Variants in ITIH5 observed in about 807,000 individuals in gnomAD.
The protein encoded by ITIH5 is inter-alpha-trypsin inhibitor heavy chain 5, also known as inter-alpha-trypsin inhibitor heavy chain H5.
ITIH5 carries 65 observed loss-of-function variants against 77.5 expected under a neutral mutation model. The observed-to-expected ratio is 0.84, with a 90% CI of 0.69 to 1.03. The LOEUF (loss-of-function observed/expected upper bound fraction) is 1.03, where lower values mean the gene tolerates loss of function less well. Among genes scored for constraint, ITIH5 ranks in the 50% least tolerant of loss-of-function variants. ITIH5 has a pLI of 0.00. For missense variants in ITIH5, 1,208 were observed against 1,213.1 expected, an observed-to-expected ratio of 1.00 and a Z score of 0.06; for synonymous variants, 525 against 494.3, an observed-to-expected ratio of 1.06 and a Z score of -0.82.
intron 8 of ITIH5, among the ~76,000 whole-genome samples, chr10:7,581,294 TAAATA>T (rs1014440602): frequency 4.0e-4 from 61 of 151,876 alleles, no homozygotes; most frequent in Middle Eastern, 6.8e-3. Context: ...AATAAATGAA[TAAATA>T]AAATAAAGTT....
At chr10:7,624,645 C>T (rs187693604) in intron 5 of ITIH5, among the ~76,000 whole-genome samples, 5,769 of 149,408 alleles carry the variant, frequency 0.039, 393 homozygotes, top group African/African-American at 0.13. Flanking sequence ...TGGTGAAACC[C>T]TGTCTCTACT....
At chr10:7,644,848 ATC>A (rs1209446123) in intron 2 of ITIH5, among the ~76,000 whole-genome samples, 3 of 135,160 alleles carry the variant, frequency 2.2e-5, no homozygotes, top group African/African-American at 3.1e-5. Flanking sequence ...TCACATATAT[ATC>A]ACATATGTAT....
intron 8 of ITIH5, among the ~76,000 whole-genome samples, chr10:7,583,018 T>C (rs902776644): frequency 6.6e-6 from 1 of 152,184 alleles, no homozygotes; most frequent in Non-Finnish European, 1.5e-5. Context: ...AAAGGACAAA[T>C]GCTTGAGGTG....
At chr10:7,569,010 C>CTTTTTTTTTTTTTTTT (rs5782983) in intron 12 of ITIH5, among the ~76,000 whole-genome samples, 23 of 71,570 alleles carry the variant, frequency 3.2e-4, no homozygotes, top group East Asian at 1.3e-3. Flanking sequence ...TTTTCTTTTT[C>CTTTTTTTTTTTTTTTT]TTTTTTTTTT....
intron 7 of ITIH5, chr10:7,600,431 G>A (rs1588389704): frequency 4.6e-6 from 2 of 431,420 alleles, no homozygotes; most frequent in East Asian, 1.4e-4. Flanking sequence ...ACATCTCTGA[G>A]CACTAGGTCC....
At chr10:7,581,915 GC>G (rs1832566353) in intron 8 of ITIH5, among the ~76,000 whole-genome samples, 1 of 125,974 alleles carries the variant, frequency 7.9e-6, no homozygotes, top group Non-Finnish European at 1.6e-5. Context: ...ATGCTCTTTC[GC>G]CCAAGGTGGA....
At chr10:7,571,046 C>T (rs1301814397) in intron 11 of ITIH5, among the ~76,000 whole-genome samples, 5 of 152,218 alleles carry the variant, frequency 3.3e-5, no homozygotes, top group African/African-American at 1.2e-4. Context: ...AAACTAACAT[C>T]CCTGCATTGA....
At chr10:7,615,693 G>A (rs1833349188) in intron 7 of ITIH5, among the ~76,000 whole-genome samples, 1 of 152,176 alleles carries the variant, frequency 6.6e-6, no homozygotes, top group Non-Finnish European at 1.5e-5. Flanking sequence ...TAGTGCTGAG[G>A]ACTGGCCCTG....
chr10:7,659,590 C>T (rs1834243501), intron 1 of ITIH5, among the ~76,000 whole-genome samples: 1 of 152,198 alleles, frequency 6.6e-6, no homozygotes, highest in Non-Finnish European at 1.5e-5. Context: ...AAGCCCAGCC[C>T]CTCTCAGGTA....
At chr10:7,602,715 CAT>C (rs1269471991) in intron 7 of ITIH5, among the ~76,000 whole-genome samples, 1 of 152,160 alleles carries the variant, frequency 6.6e-6, no homozygotes, top group Non-Finnish European at 1.5e-5. Context: ...AGAACAAACT[CAT>C]ATAATATTTC....
At chr10:7,631,506 AG>A (rs1833711868) in intron 5 of ITIH5, among the ~76,000 whole-genome samples, 1 of 98,166 alleles carries the variant, frequency 1.0e-5, no homozygotes, top group African/African-American at 6.4e-5. Flanking sequence ...TTTCTCCAAA[AG>A]AAGATGAGAT....
chr10:7,661,625 G>A (rs964855355), intron 1 of ITIH5, among the ~76,000 whole-genome samples: 5 of 152,176 alleles, frequency 3.3e-5, no homozygotes, highest in African/African-American at 9.7e-5. Context: ...TGCAATTTGG[G>A]ATGCCTATCA....
chr10:7,581,936 C>A (rs141157541), intron 8 of ITIH5, among the ~76,000 whole-genome samples: 2 of 140,782 alleles, frequency 1.4e-5, no homozygotes, highest in Non-Finnish European at 3.0e-5. Flanking sequence ...AATGCAGTGG[C>A]GTGATCTTGG....
At chr10:7,609,437 A>C (rs1211546884) in intron 7 of ITIH5, 2 of 456,612 alleles carry the variant, frequency 4.4e-6, no homozygotes, top group Admixed American at 4.7e-5. Flanking sequence ...GTTACACATG[A>C]AATATCCAAA....
Position 7,566,277 on chromosome 10 carries a change from C to T in ITIH5, c.2280G>A (p.Pro760=), listed in dbSNP as rs369899065. ...CCCCACCATCCAAGATGACTCTGCT[C>T]GGTGTGATCTCGAGATAAGATCTCT... ...KPERSYLEIT[P]SRVILDGGDR... is the part of the protein sequence containing the mutation. Residue 760 remains proline (P), a synonymous_variant, in exon 13 of 14, where the codon CCG becomes CCA. Coordinates refer to ENST00000397146, the MANE Select transcript of ITIH5 (RefSeq NM_030569.7). The T allele has an allele frequency of 1.8e-5, 29 of 1,613,390 alleles. No homozygotes were observed. The highest frequency in any genetic ancestry group is 8.9e-5 in the East Asian group (4 of 44,864).
intron 7 of ITIH5, among the ~76,000 whole-genome samples, chr10:7,590,021 A>G (rs1409794359): frequency 3.7e-5 from 5 of 136,794 alleles, no homozygotes; most frequent in African/African-American, 1.4e-4. Context: ...CATGGTGCCA[A>G]CTACCATCGT....
At position 7,637,482 on chromosome 10, in the gene ITIH5, T is replaced by G; in HGVS notation, c.402-4A>C. The G allele has an allele frequency of 6.2e-7, 1 of 1,612,834 alleles. No individual in the cohort carries two copies. The highest frequency in any genetic ancestry group is 1.1e-5 in the South Asian group (1 of 90,982). Reference sequence around the variant, plus strand: ...GAATATTTCAGTCCCCTTCTCTCTGTCAGGAAAAAGGAAAAGGACCCCAGG... The same window carrying G: ...GAATATTTCAGTCCCCTTCTCTCTGGCAGGAAAAAGGAAAAGGACCCCAGG... On this transcript the variant is annotated splice_region_variant and splice_polypyrimidine_tract_variant and intron_variant, in intron 4 of 13. Transcript: ENST00000397146.
chr10:7,613,614 C>T (rs1833301874), intron 7 of ITIH5, among the ~76,000 whole-genome samples: 1 of 151,936 alleles, frequency 6.6e-6, no homozygotes, highest in African/African-American at 2.4e-5. Flanking sequence ...ACTAAAAAAG[C>T]TAAACAAATG....
At chr10:7,591,386 GC>G (rs1832790967) in intron 7 of ITIH5, among the ~76,000 whole-genome samples, 1 of 151,924 alleles carries the variant, frequency 6.6e-6, no homozygotes, top group African/African-American at 2.4e-5. Context: ...CTCCTTCCCC[GC>G]CTTCCTGACA....
Sources: gnomAD v4.1 joint callset for allele counts (sites outside exome capture counted in the v4.1 genomes callset) on GRCh38, gnomAD v4.1.1 for gene constraint, MANE v1.5 for transcripts, NCBI Gene and HGNC (gene_info 2026-07-23, HGNC 2026-07-21) for gene names.